EMCN: variants seen among roughly 807,000 people sequenced by gnomAD.
EMCN encodes the protein MUC-14.
EMCN carries 37 observed loss-of-function variants against 38.4 expected under a neutral mutation model. The ratio of observed to expected loss-of-function variants is 0.96; its 90% CI spans 0.74 to 1.27. The LOEUF (loss-of-function observed/expected upper bound fraction) is 1.27. Among genes scored for constraint, EMCN ranks in the 50% most tolerant of loss-of-function variants. The pLI, the probability that EMCN is intolerant of heterozygous loss-of-function variation, is 0.00. For synonymous variants in EMCN, 95 were observed against 100.8 expected, an observed-to-expected ratio of 0.94 and a Z score of 0.35; for missense variants, 318 against 302.8, an observed-to-expected ratio of 1.05 and a Z score of -0.37.
At chr4:100,502,586 T>G (rs1334079277) in intron 1 of EMCN, among the ~76,000 whole-genome samples, 1 of 152,224 alleles carries the variant, frequency 6.6e-6, no homozygotes, top group African/African-American at 2.4e-5. Flanking sequence ...TATTCATTTT[T>G]CATGTTTTAC....
At position 100,416,091 on chromosome 4, in the gene EMCN, C is replaced by CGT. The variant is rs1553926597; in HGVS notation, c.690-134_690-133dup. ...TATATAATGTGTGTGTATATATATACGTGTGTGTGTGTGTATACATACATA... is the reference window on the plus strand; with the variant it reads ...TATATAATGTGTGTGTATATATATACGTGTGTGTGTGTGTGTATACATACATA... On this transcript the variant is annotated intron_variant, in intron 9 of 11. Coordinates refer to ENST00000296420, the MANE Select transcript of EMCN (RefSeq NM_016242.4). 2,490 of 472,582 alleles carry CGT rather than the reference C, an allele frequency of 5.3e-3. 18 individuals carry two copies. The highest frequency in any genetic ancestry group is 0.022 in the African/African-American group (1,086 of 48,474). The allele number at this position is 472,582 out of a possible 1,614,324, so 29.3% of individuals were successfully genotyped here.
At chr4:100,438,572 A>G (rs1727420233) in intron 5 of EMCN, among the ~76,000 whole-genome samples, 1 of 151,280 alleles carries the variant, frequency 6.6e-6, no homozygotes, top group African/African-American at 2.4e-5. Context: ...GATGTCTTTT[A>G]TTTCTTTTCC....
rs987965405 is a variant in EMCN at position 100,395,658 on chromosome 4, G to A, written c.*2755C>T. 6.6e-5 allele frequency: 10 copies of A among 152,072 alleles called. No homozygotes were observed. The highest frequency in any genetic ancestry group is 2.4e-4 in the African/African-American group (10 of 41,416). The allele number at this position is 152,072 out of a possible 1,614,324, so 9.4% of individuals were successfully genotyped here. ...CAGAGAATAATCAGGCAAAAAATCA[G>A]GAATGTTCATCATCGAAGGTTTGAC... On this transcript the variant is annotated 3_prime_UTR_variant, in exon 12 of 12. Transcript: ENST00000296420.
At chr4:100,440,279 T>A (rs1727473762) in intron 5 of EMCN, among the ~76,000 whole-genome samples, 1 of 152,160 alleles carries the variant, frequency 6.6e-6, no homozygotes, top group Admixed American at 6.5e-5. Context: ...ACAAGTGGTT[T>A]TTTTGTTACA....
At chr4:100,479,353 T>G (rs1728746430) in intron 2 of EMCN, among the ~76,000 whole-genome samples, 1 of 152,148 alleles carries the variant, frequency 6.6e-6, no homozygotes, top group Non-Finnish European at 1.5e-5. Flanking sequence ...TGCATTGCAT[T>G]GATAATCTCT....
At chr4:100,440,517 C>T (rs752754861) in intron 5 of EMCN, among the ~76,000 whole-genome samples, 1 of 152,124 alleles carries the variant, frequency 6.6e-6, no homozygotes, top group East Asian at 1.9e-4. Flanking sequence ...TGAGTTACTT[C>T]ACTTAAAATA....
chr4:100,425,456 G>C (rs747230621), intron 5 of EMCN, among the ~76,000 whole-genome samples: 1 of 152,038 alleles, frequency 6.6e-6, no homozygotes, highest in African/African-American at 2.4e-5. Flanking sequence ...GTGGCTAAGA[G>C]CATGATTCTG....
Position 100,517,963 on chromosome 4 carries a change from G to A in EMCN, c.-49C>T. ...TCTTCTTTCTCCAGAAGCAGGCAGG[G>A]ACAATTCCCTCCCAGCCTGGCAGGG... On this transcript the variant is annotated 5_prime_UTR_variant, in exon 1 of 12. Coordinates refer to ENST00000296420, the MANE Select transcript of EMCN (RefSeq NM_016242.4). The A allele has an allele frequency of 1.3e-6, 2 of 1,587,336 alleles. No individual in the cohort carries two copies. The highest frequency in any genetic ancestry group is 1.7e-6 in the Non-Finnish European group (2 of 1,156,222).
intron 5 of EMCN, among the ~76,000 whole-genome samples, chr4:100,426,097 C>T (rs1222248680): frequency 6.6e-6 from 1 of 152,054 alleles, no homozygotes; most frequent in Non-Finnish European, 1.5e-5. Context: ...ATTTGGAGAC[C>T]TCACTGTAGA....
intron 1 of EMCN, among the ~76,000 whole-genome samples, chr4:100,500,552 G>T (rs1729325544): frequency 6.6e-6 from 1 of 151,914 alleles, no homozygotes; most frequent in South Asian, 2.1e-4. Flanking sequence ...TCTGATTTAT[G>T]GTAATCATTC....
Position 100,423,090 on chromosome 4 carries a change from A to G in EMCN, c.509-10T>C, listed in dbSNP as rs1411235244. ...CCCTCAGTGCCTATTACTTTAAGAAAGAAAAAAACAAGTCACTTTTGGTTA... is the reference window on the plus strand; with the variant it reads ...CCCTCAGTGCCTATTACTTTAAGAAGGAAAAAAACAAGTCACTTTTGGTTA... On this transcript the variant is annotated splice_polypyrimidine_tract_variant and intron_variant, in intron 6 of 11. Transcript: ENST00000296420. 18 of 1,612,962 alleles carry G rather than the reference A, an allele frequency of 1.1e-5. No individual in the cohort carries two copies. The highest frequency in any genetic ancestry group is 1.5e-5 in the Non-Finnish European group (18 of 1,179,270).
In EMCN at chr4:100,418,349, A is replaced by T. The variant is rs184680446; in HGVS notation, c.665-1208T>A. On this transcript the variant is annotated intron_variant, in intron 8 of 11. Coordinates refer to ENST00000296420, the MANE Select transcript of EMCN (RefSeq NM_016242.4). ...TAGGCATGCAATGCATAACAATCAC[A>T]TCATGGCAGTGGTGTATCCATCCCC... is the stretch of plus-strand genomic sequence containing the variant. Among the ~76,000 whole-genome samples the T allele has an allele frequency of 3.1e-3, 469 of 152,288 alleles. 2 individuals carry two copies. Among genetic ancestry groups the T allele is most frequent in the Middle Eastern group, 0.01 (3 of 294 alleles).
chr4:100,438,499 T>C (rs533036544), intron 5 of EMCN, among the ~76,000 whole-genome samples: 1 of 152,212 alleles, frequency 6.6e-6, no homozygotes, highest in South Asian at 2.1e-4. Flanking sequence ...GTTTTTTCTG[T>C]GGAATCATTA....
At chr4:100,458,522 G>A (rs906514689) in intron 4 of EMCN, among the ~76,000 whole-genome samples, 1 of 152,058 alleles carries the variant, frequency 6.6e-6, no homozygotes, top group Non-Finnish European at 1.5e-5. Flanking sequence ...TATTCAACTT[G>A]TATCACTTTT....
At chr4:100,513,045 C>T (rs953375416) in intron 1 of EMCN, among the ~76,000 whole-genome samples, 1 of 151,896 alleles carries the variant, frequency 6.6e-6, no homozygotes, top group African/African-American at 2.4e-5. Flanking sequence ...TTTGTGAAAC[C>T]CTTAAATATT....
At chr4:100,515,357 C>A (rs534866672) in intron 1 of EMCN, among the ~76,000 whole-genome samples, 1 of 152,024 alleles carries the variant, frequency 6.6e-6, no homozygotes, top group Admixed American at 6.6e-5. Flanking sequence ...ATGGCAGTTC[C>A]GTTTCAGAAA....
chr4:100,492,846 G>A (rs551950783), intron 1 of EMCN, among the ~76,000 whole-genome samples: 3 of 151,912 alleles, frequency 2.0e-5, no homozygotes, highest in Admixed American at 6.6e-5. Flanking sequence ...TAGAAAACGC[G>A]GTCTGGGGGC....
chr4:100,420,006 A>G lies in EMCN; in HGVS notation c.664+1276T>C, dbSNP rs573232457. 2.6e-5 allele frequency among the ~76,000 whole-genome samples: 4 copies of G among 152,270 alleles called. No individual in the cohort carries two copies. The South Asian group carries it at 8.3e-4, about 32-fold the overall frequency. Reference sequence around the variant, plus strand: ...AATAATGCAGCTTATATACATTATAAAAATAATTGCTTTTTACCTTCTAAC... The same window carrying G: ...AATAATGCAGCTTATATACATTATAGAAATAATTGCTTTTTACCTTCTAAC... On this transcript the variant is annotated intron_variant, in intron 8 of 11. Transcript: ENST00000296420.
intron 11 of EMCN, among the ~76,000 whole-genome samples, chr4:100,403,992 C>T (rs932727626): frequency 2.6e-5 from 4 of 151,864 alleles, no homozygotes; most frequent in African/African-American, 7.3e-5. Context: ...ATGCATAGTT[C>T]GTGAACATTT....
Sources: gnomAD v4.1 joint callset for allele counts (sites outside exome capture counted in the v4.1 genomes callset) on GRCh38, gnomAD v4.1.1 for gene constraint, MANE v1.5 for transcripts, NCBI Gene and HGNC (gene_info 2026-07-23, HGNC 2026-07-21) for gene names.